STARD13: variants seen among roughly 807,000 people sequenced by gnomAD.
The protein encoded by STARD13 is StAR related lipid transfer domain containing 13.
Under a neutral mutation model 106.4 loss-of-function variants are expected in STARD13, and 62 were observed. That is an observed-to-expected ratio of 0.58 (90% confidence interval 0.48 to 0.72). The LOEUF is 0.72. Among genes scored for constraint, STARD13 ranks in the 30% least tolerant of loss-of-function variants. STARD13 has a pLI of 0.00. For missense variants in STARD13, 1,387 were observed against 1,424.0 expected (o/e 0.97, Z 0.42); for synonymous variants, 565 against 553.0 (o/e 1.02, Z -0.31).
chr13:33,548,613 G>A, the STARD13 span, among the ~76,000 whole-genome samples: 12 of 152,206 alleles, frequency 7.9e-5, no homozygotes, highest in Middle Eastern at 3.4e-3. Flanking sequence ...TGTGTGATAC[G>A]TTTGTGATTT....
At chr13:33,515,945 AT>A in the STARD13 span, among the ~76,000 whole-genome samples, 1 of 151,972 alleles carries the variant, frequency 6.6e-6, no homozygotes, top group East Asian at 1.9e-4. Context: ...ATTCTCTGTG[AT>A]GATGGATTTT....
At chr13:33,631,660 A>G in the STARD13 span, among the ~76,000 whole-genome samples, 2 of 151,664 alleles carry the variant, frequency 1.3e-5, no homozygotes, top group South Asian at 4.1e-4. Flanking sequence ...TATGATAGTT[A>G]TATTTGTTGA....
chr13:33,672,188 A>G, the STARD13 span, among the ~76,000 whole-genome samples: 3 of 152,252 alleles, frequency 2.0e-5, no homozygotes. Context: ...TGCAGCCATA[A>G]AAAAGAATGG....
the STARD13 span, among the ~76,000 whole-genome samples, chr13:33,665,046 G>A: frequency 6.6e-6 from 1 of 152,210 alleles, no homozygotes; most frequent in African/African-American, 2.4e-5. Context: ...AACGAAGGAG[G>A]GACAGAGGAA....
the STARD13 span, among the ~76,000 whole-genome samples, chr13:33,443,421 G>A: frequency 7.2e-6 from 1 of 138,558 alleles, no homozygotes; most frequent in Non-Finnish European, 1.5e-5. Flanking sequence ...TTTATGTTAA[G>A]TGAATTTCAT....
At position 33,105,463 on chromosome 13, in the gene STARD13, C is replaced by A; in HGVS notation, c.*130G>T. 1.5e-6 allele frequency: 1 copy of A among 659,280 alleles called. No individual in the cohort carries two copies. Among genetic ancestry groups the A allele is most frequent in the Non-Finnish European group, 2.7e-6 (1 of 372,248 alleles). 40.8% of individuals were successfully genotyped at this position (659,280 alleles called of 1,614,324 possible). ...CATCTCCAACATTCCAACTTCTTAA[C>A]GTTTCCATTTTTAGGCATTAACCGC... On this transcript the variant is annotated 3_prime_UTR_variant, in exon 14 of 14. Coordinates refer to ENST00000336934, the MANE Select transcript of STARD13 (RefSeq NM_178006.4).
intron 1 of STARD13, among the ~76,000 whole-genome samples, chr13:33,261,357 T>G (rs1890631116): frequency 6.6e-6 from 1 of 152,192 alleles, no homozygotes; most frequent in African/African-American, 2.4e-5. Flanking sequence ...GTGGGGAGAT[T>G]GAGAACCCCA....
At chr13:33,484,157 A>G in the STARD13 span, among the ~76,000 whole-genome samples, 1 of 152,208 alleles carries the variant, frequency 6.6e-6, no homozygotes. Flanking sequence ...GCCCTTGGTC[A>G]TTCCTGGATG....
At chr13:33,602,764 T>C in the STARD13 span, among the ~76,000 whole-genome samples, 4 of 152,194 alleles carry the variant, frequency 2.6e-5, no homozygotes, top group African/African-American at 9.6e-5. Flanking sequence ...TAGATTCTCA[T>C]AGGAGCATGA....
the STARD13 span, among the ~76,000 whole-genome samples, chr13:33,430,551 G>A: frequency 1.3e-5 from 2 of 152,144 alleles, no homozygotes; most frequent in African/African-American, 4.8e-5. Flanking sequence ...GCTACCATAT[G>A]ATCCACCAAT....
In STARD13 at chr13:33,340,389, G is replaced by T. The variant is rs557212872; in HGVS notation, c.124+9901C>A. 3.9e-5 allele frequency among the ~76,000 whole-genome samples: 6 copies of T among 152,176 alleles called. No individual in the cohort carries two copies. In the East Asian group the frequency reaches 1.2e-3, roughly 29 times the overall value. On this transcript the variant is annotated intron_variant, in intron 1 of 5. Coordinates refer to the STARD13 transcript ENST00000567873. ...GTTCAGCTAATTTTCTTTATCTTTT[G>T]TAGAGACTGTGTCTCCCTGTTTCCC...
At chr13:33,317,803 T>C (rs752952307) in intron 1 of STARD13, among the ~76,000 whole-genome samples, 49 of 152,214 alleles carry the variant, frequency 3.2e-4, no homozygotes, top group Non-Finnish European at 6.5e-4. Context: ...ATTCAATTTA[T>C]TTTAGCTTTT....
the STARD13 span, among the ~76,000 whole-genome samples, chr13:33,639,997 C>T: frequency 8.4e-4 from 128 of 152,272 alleles, no homozygotes; most frequent in African/African-American, 3.1e-3. Flanking sequence ...TGAGAGGAGA[C>T]CTTCTAGGGG....
At chr13:33,570,673 T>TG in the STARD13 span, among the ~76,000 whole-genome samples, 2 of 120,850 alleles carry the variant, frequency 1.7e-5, no homozygotes, top group African/African-American at 3.0e-5. Context: ...CCACAGACAG[T>TG]TTGCTCATTT....
At chr13:33,627,120 C>T in the STARD13 span, among the ~76,000 whole-genome samples, 33 of 152,266 alleles carry the variant, frequency 2.2e-4, no homozygotes, top group African/African-American at 7.5e-4. Flanking sequence ...ATATTTTCTG[C>T]TTAAATCTAG....
chr13:33,334,598 T>G (rs2077873665), intron 1 of STARD13, among the ~76,000 whole-genome samples: 1 of 150,324 alleles, frequency 6.7e-6, no homozygotes, highest in Non-Finnish European at 1.5e-5. Context: ...CCTCAAGAGG[T>G]GGGAGTGGGC....
chr13:33,582,379 T>C, the STARD13 span, among the ~76,000 whole-genome samples: 1 of 152,196 alleles, frequency 6.6e-6, no homozygotes, highest in African/African-American at 2.4e-5. Context: ...GTAGTTGGAA[T>C]CATATGGTCT....
At chr13:33,350,261 G>T (rs948514097) in intron 1 of STARD13, 3 of 1,516,004 alleles carry the variant, frequency 2.0e-6, no homozygotes, top group South Asian at 1.2e-5. Context: ...CCCCGCCCCC[G>T]TGGGTCGCGG....
At chr13:33,255,102 C>A (rs547511998) in intron 1 of STARD13, among the ~76,000 whole-genome samples, 10 of 143,594 alleles carry the variant, frequency 7.0e-5, no homozygotes, top group African/African-American at 2.6e-4. Context: ...GTGTGCTCCC[C>A]CCCCCCTCAG....
Sources: allele counts gnomAD v4.1 joint callset (sites outside exome capture counted in the v4.1 genomes callset), GRCh38; gene constraint gnomAD v4.1.1; transcripts MANE v1.5; gene names NCBI Gene and HGNC (gene_info 2026-07-23, HGNC 2026-07-21).